CLYBL: variants seen among roughly 807,000 people sequenced by gnomAD.
CLYBL encodes the protein citramalyl-CoA lyase, mitochondrial.
Under a neutral mutation model 38.9 loss-of-function variants are expected in CLYBL, and 31 were observed. The observed-to-expected ratio is 0.80, with a 90% CI of 0.60 to 1.08. CLYBL has a LOEUF of 1.08. CLYBL is among the 50% of genes least tolerant of loss of function. The probability of loss-of-function intolerance (pLI) is 0.00; values close to 1 mark genes in which losing one functional copy is unlikely to be tolerated. For synonymous variants in CLYBL, 171 were observed against 158.6 expected (o/e 1.08, Z -0.59); for missense variants, 434 against 411.6 (o/e 1.05, Z -0.47).
chr13:99,669,972 C>T (rs1264038465), intron 1 of CLYBL, among the ~76,000 whole-genome samples: 1 of 151,642 alleles, frequency 6.6e-6, no homozygotes, highest in Non-Finnish European at 1.5e-5. Context: ...GCAGGCAGAT[C>T]ATTTGAAGTC....
intron 2 of CLYBL, among the ~76,000 whole-genome samples, chr13:99,825,278 G>C (rs1288274372): frequency 6.6e-6 from 1 of 152,178 alleles, no homozygotes; most frequent in African/African-American, 2.4e-5. Flanking sequence ...AGGACAGGCT[G>C]TTAACCCCTC....
chr13:99,848,166 TC>T (rs1370131445), intron 2 of CLYBL, among the ~76,000 whole-genome samples: 5 of 152,160 alleles, frequency 3.3e-5, no homozygotes. Flanking sequence ...AGTCCCAGAC[TC>T]CCCTCCTCCA....
At chr13:99,819,865 G>A (rs2050552651) in intron 2 of CLYBL, among the ~76,000 whole-genome samples, 1 of 152,078 alleles carries the variant, frequency 6.6e-6, no homozygotes, top group Non-Finnish European at 1.5e-5. Context: ...CTATTGATTC[G>A]AATGCTAATG....
intron 2 of CLYBL, among the ~76,000 whole-genome samples, chr13:99,853,307 G>A (rs982432060): frequency 1.3e-5 from 2 of 151,928 alleles, no homozygotes; most frequent in Non-Finnish European, 2.9e-5. Flanking sequence ...AGCCTTCTTA[G>A]TCTTTTGAAT....
chr13:99,879,308 G>A (rs1468110206), intron 7 of CLYBL, among the ~76,000 whole-genome samples: 4 of 152,112 alleles, frequency 2.6e-5, no homozygotes, highest in East Asian at 1.9e-4. Flanking sequence ...GAATGTTAAC[G>A]CTGTCTATTC....
intron 2 of CLYBL, among the ~76,000 whole-genome samples, chr13:99,781,812 C>A (rs1264460044): frequency 6.6e-6 from 1 of 152,128 alleles, no homozygotes; most frequent in Non-Finnish European, 1.5e-5. Context: ...TCTTTCCTCT[C>A]TTAGTTTATA....
chr13:99,843,843 C>T (rs1299819166), intron 2 of CLYBL, among the ~76,000 whole-genome samples: 2 of 152,198 alleles, frequency 1.3e-5, no homozygotes, highest in Non-Finnish European at 2.9e-5. Context: ...CTCAGGTGAT[C>T]TGCCCACCTC....
chr13:99,812,254 T>G (rs1269264303), intron 2 of CLYBL, among the ~76,000 whole-genome samples: 4 of 152,196 alleles, frequency 2.6e-5, no homozygotes, highest in Non-Finnish European at 5.9e-5. Flanking sequence ...TAACAAGGGA[T>G]TGCACACTCC....
intron 1 of CLYBL, among the ~76,000 whole-genome samples, chr13:99,677,782 A>G (rs776341199): frequency 6.6e-6 from 1 of 152,222 alleles, no homozygotes; most frequent in Non-Finnish European, 1.5e-5. Context: ...TTTAATGGCT[A>G]CTGTTTTATT....
At chr13:99,626,816 C>G (rs561961312) in intron 1 of CLYBL, among the ~76,000 whole-genome samples, 5 of 151,906 alleles carry the variant, frequency 3.3e-5, no homozygotes, top group Non-Finnish European at 7.4e-5. Flanking sequence ...GTAATCTACC[C>G]GATTGGTCAT....
At chr13:99,831,045 A>G (rs754351959) in intron 2 of CLYBL, among the ~76,000 whole-genome samples, 23 of 152,164 alleles carry the variant, frequency 1.5e-4, no homozygotes, top group Non-Finnish European at 2.9e-4. Flanking sequence ...TCAGACACAG[A>G]GGAGAAGACA....
chr13:99,846,924 T>A lies in CLYBL; in HGVS notation c.250-11937T>A, dbSNP rs187438355. Among the ~76,000 whole-genome samples, 500 of 152,232 alleles carry A rather than the reference T, an allele frequency of 3.3e-3. 1 individual carries two copies. In the Middle Eastern group the frequency reaches 0.037, roughly 11 times the overall value. ...CTGCCCAACTCATACCTGCAGAAATTGATGATGGGCAGGGAAATAAGTGTT... is the reference window on the plus strand; with the variant it reads ...CTGCCCAACTCATACCTGCAGAAATAGATGATGGGCAGGGAAATAAGTGTT... On this transcript the variant is annotated intron_variant, in intron 2 of 8. Transcript: ENST00000339105.
intron 2 of CLYBL, among the ~76,000 whole-genome samples, chr13:99,854,616 C>T (rs1312117846): frequency 3.3e-5 from 5 of 151,960 alleles, no homozygotes; most frequent in Admixed American, 3.3e-4. Flanking sequence ...TAAAAGTGGA[C>T]GGATGTTGTT....
At chr13:99,820,840 C>A (rs372606556) in intron 2 of CLYBL, among the ~76,000 whole-genome samples, 7 of 152,110 alleles carry the variant, frequency 4.6e-5, no homozygotes, top group African/African-American at 1.7e-4. Context: ...TTATCGTGAG[C>A]GTCCATCCTG....
chr13:99,890,822 T>C (rs1468593998), intron 7 of CLYBL, among the ~76,000 whole-genome samples: 1 of 152,176 alleles, frequency 6.6e-6, no homozygotes, highest in African/African-American at 2.4e-5. Flanking sequence ...ACTCATCTCT[T>C]TGTACCCTGT....
chr13:99,628,935 T>G (rs908005267), intron 1 of CLYBL, among the ~76,000 whole-genome samples: 21 of 152,210 alleles, frequency 1.4e-4, no homozygotes, highest in African/African-American at 5.1e-4. Flanking sequence ...TGTAAATGTT[T>G]GTGTTAGTTG....
chr13:99,613,793 A>T (rs1010842518), intron 1 of CLYBL, among the ~76,000 whole-genome samples: 1 of 152,224 alleles, frequency 6.6e-6, no homozygotes, highest in African/African-American at 2.4e-5. Context: ...GCCAATGTGA[A>T]GTGTTAGATA....
intron 2 of CLYBL, among the ~76,000 whole-genome samples, chr13:99,838,814 T>A (rs2050999062): frequency 6.6e-6 from 1 of 151,600 alleles, no homozygotes; most frequent in South Asian, 2.1e-4. Context: ...TTTTTGTGTG[T>A]GTTTTTAGTA....
chr13:99,864,734 C>T (rs1440029194), intron 4 of CLYBL, 84 bp from the exon 5 acceptor site: 2 of 881,220 alleles, frequency 2.3e-6, no homozygotes, highest in South Asian at 1.5e-5. Flanking sequence ...AGAGTCAGGT[C>T]GTCCTGTTAC....
Sources: allele counts gnomAD v4.1 joint callset (sites outside exome capture counted in the v4.1 genomes callset), GRCh38; gene constraint gnomAD v4.1.1; transcripts MANE v1.5; gene names NCBI Gene and HGNC (gene_info 2026-07-23, HGNC 2026-07-21).